FLG: variants seen among roughly 807,000 people sequenced by gnomAD.
The protein encoded by FLG is epidermal filaggrin.
A neutral mutation model predicts 3.8 loss-of-function variants in FLG; 6 were observed. That is an observed-to-expected ratio of 1.60 (90% confidence interval 0.87 to 3.15). The LOEUF (loss-of-function observed/expected upper bound fraction) is 3.15, where lower values mean the gene tolerates loss of function less well. Among genes scored for constraint, FLG ranks in the 30% most tolerant of loss-of-function variants. The probability of loss-of-function intolerance (pLI) is 0.00; values close to 1 mark genes in which losing one functional copy is unlikely to be tolerated. For synonymous variants in FLG, 2,551 were observed against 1,931.6 expected (o/e 1.32, Z -8.41); for missense variants, 7,595 against 5,050.9 (o/e 1.50, Z -15.27).
chr1:152,313,766 C>T lies in FLG; in HGVS notation c.1120G>A (p.Glu374Lys), dbSNP rs745659334. The stretch of plus-strand genomic sequence containing the variant: ...TCTCCTGGACTTGATCTTGCCTGTT[C>T]ATGGGATGATGCAGTCTGTCCACGA... Reference protein sequence around the residue: ...SSRGQTASSHEQARSSPGERH... With the variant: ...SSRGQTASSHKQARSSPGERH... Residue 374 changes from glutamate (E) to lysine (K), a missense_variant, in exon 3 of 3, where the codon GAA (glutamate) becomes AAA (lysine). Coordinates refer to ENST00000368799, the MANE Select transcript of FLG (RefSeq NM_002016.2). 1.2e-6 allele frequency: 2 copies of T among 1,614,028 alleles called. No homozygotes were observed. The highest frequency in any genetic ancestry group is 1.3e-5 in the African/African-American group (1 of 74,908).
Position 152,311,248 on chromosome 1 carries a change from G to C in FLG, c.3638C>G (p.Ser1213Cys). The change falls in exon 3 of 3, where the codon TCC (serine) becomes TGC (cysteine). Residue 1213 changes from serine to cysteine, a missense_variant. Transcript: ENST00000368799. ...RSDASHGQSG[S>C]RSASRQTRKD... ...ACGAGTTTGTCTGCTTGCACTTCTGGATCCTGACTGCCCATGGGAGGCATC... is the reference window on the plus strand; with the variant it reads ...ACGAGTTTGTCTGCTTGCACTTCTGCATCCTGACTGCCCATGGGAGGCATC... 2 of 1,613,778 alleles carry C rather than the reference G, an allele frequency of 1.2e-6. No homozygotes were observed. The highest frequency in any genetic ancestry group is 4.5e-5 in the East Asian group (2 of 44,828).
rs1652651063 is a variant in FLG at position 152,313,962 on chromosome 1, T to C, written c.924A>G (p.Glu308=). Residue 308 remains glutamate, a synonymous_variant, in exon 3 of 3, where the codon GAA becomes GAG. Coordinates refer to ENST00000368799, the MANE Select transcript of FLG (RefSeq NM_002016.2). ...CCGACCCAGAGTGCCTCTCAGAGTC[T>C]TCTGAGTGTCCCTCACTGTCCCTGT... ...SQDRDSEGHS[E]DSERHSGSAS... is the part of the protein sequence containing the mutation. 19 of 1,614,058 alleles carry C rather than the reference T, an allele frequency of 1.2e-5. No individual in the cohort carries two copies. In the East Asian group the frequency reaches 4.2e-4, roughly 36 times the overall value.
rs1652115967 is a variant in FLG at position 152,308,201 on chromosome 1, G to T, written c.6685C>A (p.Gln2229Lys). The T allele has an allele frequency of 1.2e-6, 2 of 1,613,868 alleles. No individual in the cohort carries two copies. The highest frequency in any genetic ancestry group is 1.3e-5 in the African/African-American group (1 of 74,868). Residue 2229 changes from glutamine (Q) to lysine (K), a missense_variant, in exon 3 of 3, where the codon CAA becomes AAA. Physicochemically the swap from Gln to Lys is moderately conservative, Grantham distance 53. Coordinates refer to ENST00000368799, the MANE Select transcript of FLG (RefSeq NM_002016.2). ...CTGCTTGTCCTGGGCCCTGATGATT[G>T]TCCCTGGCCCACCAGTGAGTGTCTA... ...SSRHSLVGQG[Q>K]SSGPRTSRPR... is the part of the protein sequence containing the mutation.
Position 152,314,046 on chromosome 1 carries a change from G to T in FLG, c.840C>A (p.Ser280Arg), listed in dbSNP as rs377069311. 3.1e-6 allele frequency: 5 copies of T among 1,614,030 alleles called. No individual in the cohort carries two copies. The Admixed American group carries it at 5.0e-5, about 16-fold the overall frequency. The change falls in exon 3 of 3, where the codon AGC becomes AGA. Residue 280 changes from serine (S) to arginine (R), a missense_variant. Coordinates refer to ENST00000368799, the MANE Select transcript of FLG (RefSeq NM_002016.2). ...TCCTGGACTCCTGCAATGGTACCTG[G>T]CTTGTATTTTCATGTCTTGACCTGT... is the stretch of plus-strand genomic sequence containing the variant. ...QVNRSRHENT[S>R]QVPLQESRTR...
chr1:152,308,965 G>A lies in FLG; in HGVS notation c.5921C>T (p.Ser1974Phe), dbSNP rs1185707626. ...RAGHGHSADS[S>F]RQSGTRHTES... is the part of the protein sequence containing the mutation. ...TGTGTGACGAGTGCCTGATTGTCTG[G>A]AGCTGTCTGCAGAGTGCCCGTGACC... Residue 1974 changes from serine (S) to phenylalanine (F), a missense_variant, in exon 3 of 3, where the codon TCC (serine) becomes TTC (phenylalanine). Physicochemically the swap from Ser to Phe is radical, Grantham distance 155 (BLOSUM62 -2). Coordinates refer to ENST00000368799, the MANE Select transcript of FLG (RefSeq NM_002016.2). 65 of 1,614,080 alleles carry A rather than the reference G, an allele frequency of 4.0e-5. No individual in the cohort carries two copies. The highest frequency in any genetic ancestry group is 5.3e-5 in the Non-Finnish European group (62 of 1,180,048).
rs201358379 is a variant in FLG at position 152,304,354 on chromosome 1, G to A, written c.10532C>T (p.Thr3511Ile). 53 of 1,611,746 alleles carry A rather than the reference G, an allele frequency of 3.3e-5. 2 individuals carry two copies. The highest frequency in any genetic ancestry group is 4.4e-5 in the Non-Finnish European group (52 of 1,179,116). ...TGAGTGTCTAGAGCTGTCCGCCTGA[G>A]TGGAAGCTTCATGGTGATGCGACCA... is the stretch of plus-strand genomic sequence containing the variant. The part of the protein sequence containing the change: ...HSWSHHHEAS[T>I]QADSSRHSQS... Residue 3511 changes from threonine (T) to isoleucine (I), a missense_variant, in exon 3 of 3, where the codon ACT becomes ATT. Transcript: ENST00000368799.
Position 152,303,878 on chromosome 1 carries a change from G to T in FLG, c.11008C>A (p.His3670Asn). Residue 3670 changes from histidine (H) to asparagine (N), a missense_variant, in exon 3 of 3, where the codon CAT (histidine) becomes AAT (asparagine). Physicochemically the swap from His to Asn is moderately conservative, Grantham distance 68 (BLOSUM62 1). Coordinates refer to ENST00000368799, the MANE Select transcript of FLG (RefSeq NM_002016.2). ...GACTGTGTGTCTGAGTCTTCTGAAT[G>T]TCCCTCACTGTCACTGGCCTGACTA... is the stretch of plus-strand genomic sequence containing the variant. ...SGSQASDSEG[H>N]SEDSDTQSVS... The T allele has an allele frequency of 6.2e-7, 1 of 1,613,730 alleles. No homozygotes were observed. Among genetic ancestry groups the T allele is most frequent in the Non-Finnish European group, 8.5e-7 (1 of 1,179,906 alleles).
chr1:152,314,296 C>G lies in FLG; in HGVS notation c.590G>C (p.Arg197Thr). The G allele has an allele frequency of 6.2e-7, 1 of 1,613,336 alleles. No individual in the cohort carries two copies. Among genetic ancestry groups the G allele is most frequent in the Non-Finnish European group, 8.5e-7 (1 of 1,179,858 alleles). Residue 197 changes from arginine (R) to threonine (T), a missense_variant, in exon 3 of 3, where the codon AGG (arginine) becomes ACG (threonine). By Grantham distance (71) the Arg-to-Thr change is moderately conservative. Transcript: ENST00000368799. ...TTCAAGTCTTTCACTTAGCCTCTTC[C>G]TATTGTCTCCTAATCTAGTATTTTC... ...KTENTRLGDNRKRLSERLEEK... is the reference protein window; with the variant it reads ...KTENTRLGDNTKRLSERLEEK...
At chr1:152,316,851 A>T (rs969025338) in intron 1 of FLG, among the ~76,000 whole-genome samples, 4 of 152,098 alleles carry the variant, frequency 2.6e-5, no homozygotes, top group African/African-American at 4.8e-5. Context: ...TGCCCCTTGG[A>T]TACATCCACT....
At position 152,314,452 on chromosome 1, in the gene FLG, C is replaced by T. The variant is rs751449152; in HGVS notation, c.434G>A (p.Arg145Lys). Residue 145 changes from arginine (R) to lysine (K), a missense_variant, in exon 3 of 3, where the codon AGA (arginine) becomes AAA (lysine). Physicochemically the swap from Arg to Lys is conservative, Grantham distance 26. Coordinates refer to ENST00000368799, the MANE Select transcript of FLG (RefSeq NM_002016.2). ...KGNKGRSKSP[R>K]ETGGKRHESS... ...TTCATGCCTTTTCCCCCCTGTTTCT[C>T]TTGGGCTCTTGGATCTTCCCTTATT... The T allele has an allele frequency of 4.3e-6, 7 of 1,613,344 alleles. No individual in the cohort carries two copies. The Admixed American group carries it at 8.3e-5, about 19-fold the overall frequency.
In FLG at chr1:152,315,417, G is replaced by C; in HGVS notation, c.40C>G (p.Leu14Val). The C allele has an allele frequency of 6.2e-7, 1 of 1,611,722 alleles. No homozygotes were observed. The highest frequency in any genetic ancestry group is 8.5e-7 in the Non-Finnish European group (1 of 1,178,692). ...TCTTTTTTTGAATATTGCTTGAAAA[G>C]ATTAATTATGGCAAAGATGTTTTCC... ...LLENIFAIIN[L>V]FKQYSKKDKN... Residue 14 changes from leucine to valine, a missense_variant, in exon 2 of 3, where the codon CTT (leucine) becomes GTT (valine). Leu to Val is a conservative substitution (Grantham distance 32, BLOSUM62 1). Transcript: ENST00000368799.
intron 1 of FLG, among the ~76,000 whole-genome samples, chr1:152,317,552 A>T (rs951208351): frequency 4.6e-5 from 7 of 151,962 alleles, no homozygotes; most frequent in African/African-American, 1.7e-4. Context: ...TTTCTCCTCC[A>T]ACCTCAATGG....
In FLG at chr1:152,308,574, A is replaced by C. The variant is rs756735418; in HGVS notation, c.6312T>G (p.His2104Gln). Residue 2104 changes from histidine to glutamine, a missense_variant, in exon 3 of 3, where the codon CAT becomes CAG. Physicochemically the swap from His to Gln is conservative, Grantham distance 24. Coordinates refer to ENST00000368799, the MANE Select transcript of FLG (RefSeq NM_002016.2). ...CTCCAGTGCTGGGCGCAGACTGTCC[A>C]TGGGTGGACTCAGACTGTTCATGAG... is the stretch of plus-strand genomic sequence containing the variant. ...VSTHEQSEST[H>Q]GQSAPSTGGR... The C allele has an allele frequency of 1.2e-6, 2 of 1,614,034 alleles. No individual in the cohort carries two copies. The highest frequency in any genetic ancestry group is 1.7e-6 in the Non-Finnish European group (2 of 1,179,976).
At position 152,308,205 on chromosome 1, in the gene FLG, C is replaced by T. The variant is rs995836428; in HGVS notation, c.6681G>A (p.Gln2227=). The part of the protein sequence containing the change: ...ADSSRHSLVG[Q]GQSSGPRTSR... ...TTGTCCTGGGCCCTGATGATTGTCC[C>T]TGGCCCACCAGTGAGTGTCTAGAGC... The change falls in exon 3 of 3, where the codon CAG becomes CAA. Residue 2227 remains glutamine (Q), a synonymous_variant. Coordinates refer to ENST00000368799, the MANE Select transcript of FLG (RefSeq NM_002016.2). 5.0e-6 allele frequency: 8 copies of T among 1,614,036 alleles called. No homozygotes were observed. Among genetic ancestry groups the T allele is most frequent in the Non-Finnish European group, 6.8e-6 (8 of 1,179,980 alleles).
rs78179835 is a variant in FLG at position 152,307,995 on chromosome 1, C to A, written c.6891G>T (p.Glu2297Asp). ...EDRAGHGHSA[E>D]SSRQSGTHHA... ...GATGAGTGCCTGATTGTCTGGAGCT[C>A]TCTGCAGAGTGCCCATGACCGGCTC... Residue 2297 changes from glutamate (E) to aspartate (D), a missense_variant, in exon 3 of 3, where the codon GAG (glutamate) becomes GAT (aspartate). Coordinates refer to ENST00000368799, the MANE Select transcript of FLG (RefSeq NM_002016.2). 6.6e-7 allele frequency: 1 copy of A among 1,517,298 alleles called. No homozygotes were observed. The highest frequency in any genetic ancestry group is 8.8e-7 in the Non-Finnish European group (1 of 1,130,406). 94.0% of individuals were successfully genotyped at this position (1,517,298 alleles called of 1,614,324 possible).
At position 152,312,560 on chromosome 1, in the gene FLG, G is replaced by T. The variant is rs769425791; in HGVS notation, c.2326C>A (p.Gln776Lys). The change falls in exon 3 of 3, where the codon CAA (glutamine) becomes AAA (lysine). Residue 776 changes from glutamine to lysine, a missense_variant. By Grantham distance (53) the Gln-to-Lys change is moderately conservative. Coordinates refer to ENST00000368799, the MANE Select transcript of FLG (RefSeq NM_002016.2). ...CCTGACCGGTCACGTGCGGACTCTT[G>T]GTGGCTCTGCTGATGGTGACCAGCC... The part of the protein sequence containing the change: ...GQAGHHQQSH[Q>K]ESARDRSGER... The T allele has an allele frequency of 2.5e-6, 4 of 1,613,626 alleles. No homozygotes were observed. Among genetic ancestry groups the T allele is most frequent in the South Asian group, 2.2e-5 (2 of 91,054 alleles).
At position 152,304,943 on chromosome 1, in the gene FLG, G is replaced by T. The variant is rs1651850592; in HGVS notation, c.9943C>A (p.His3315Asn). 1 of 1,613,776 alleles carries T rather than the reference G, an allele frequency of 6.2e-7. No homozygotes were observed. Among genetic ancestry groups the T allele is most frequent in the Non-Finnish European group, 8.5e-7 (1 of 1,179,994 alleles). Residue 3315 changes from histidine to asparagine, a missense_variant, in exon 3 of 3, where the codon CAC (histidine) becomes AAC (asparagine). His to Asn is a moderately conservative substitution (Grantham distance 68). Coordinates refer to ENST00000368799, the MANE Select transcript of FLG (RefSeq NM_002016.2). ...RHQQSADSSR[H>N]SGIPRGQASS... ...GCTTGTCCACGCGGAATGCCTGAGT[G>T]TCTGGAGCTGTCTGCTGACTGCTGG...
In FLG at chr1:152,313,833, G is replaced by C. The variant is rs775995278; in HGVS notation, c.1053C>G (p.Asp351Glu). The part of the protein sequence containing the change: ...EDRASHGHSA[D>E]SSRQSGTRHA... ...GACGAGTGCCTGATTGTCTGGAGCT[G>C]TCTGCAGAGTGCCCATGACTGGCTC... Residue 351 changes from aspartate (D) to glutamate (E), a missense_variant, in exon 3 of 3, where the codon GAC becomes GAG. By Grantham distance (45) the Asp-to-Glu change is conservative. Coordinates refer to ENST00000368799, the MANE Select transcript of FLG (RefSeq NM_002016.2). The C allele has an allele frequency of 6.2e-7, 1 of 1,614,164 alleles. No individual in the cohort carries two copies. The highest frequency in any genetic ancestry group is 1.1e-5 in the South Asian group (1 of 91,084).
At position 152,303,531 on chromosome 1, in the gene FLG, C is replaced by A. The variant is rs759299954; in HGVS notation, c.11355G>T (p.Gly3785=). 19 of 1,613,924 alleles carry A rather than the reference C, an allele frequency of 1.2e-5. No homozygotes were observed. The South Asian group carries it at 1.2e-4, about 10-fold the overall frequency. The change falls in exon 3 of 3, where the codon GGG becomes GGT. Residue 3785 remains glycine, a synonymous_variant. Coordinates refer to ENST00000368799, the MANE Select transcript of FLG (RefSeq NM_002016.2). ...GGGATGTGGTGTGGCTGTGATGGGA[C>A]CCTGAGTGTCCAGACCTATCTACCG... is the stretch of plus-strand genomic sequence containing the variant. ...EQSVDRSGHS[G]SHHSHTTSQG... is the part of the protein sequence containing the mutation.
Sources: allele counts gnomAD v4.1 joint callset (sites outside exome capture counted in the v4.1 genomes callset), GRCh38; gene constraint gnomAD v4.1.1; transcripts MANE v1.5; gene names NCBI Gene and HGNC (gene_info 2026-07-23, HGNC 2026-07-21).